The following GRM1 variants were observed in gnomAD, a reference collection of about 807,000 sequenced individuals.
GRM1 encodes the protein metabotropic glutamate receptor 1.
In GRM1, 33 loss-of-function variants were observed where a neutral mutation model predicts 90.9. The observed-to-expected ratio is 0.36, with a 90% CI of 0.28 to 0.49. The LOEUF (loss-of-function observed/expected upper bound fraction) is 0.49, where lower values mean the gene tolerates loss of function less well. Ranked by LOEUF, GRM1 falls within the 20% of genes least tolerant of loss-of-function variation. The probability of loss-of-function intolerance (pLI) is 0.99; values close to 1 mark genes in which losing one functional copy is unlikely to be tolerated. For synonymous variants in GRM1, 700 were observed against 613.2 expected (o/e 1.14, Z -2.09); for missense variants, 1,190 against 1,534.3 (o/e 0.78, Z 3.75).
chr6:146,342,345 A>G (rs1334777956), intron 3 of GRM1, among the ~76,000 whole-genome samples: 1 of 152,232 alleles, frequency 6.6e-6, no homozygotes, highest in Non-Finnish European at 1.5e-5. Flanking sequence ...TATAGATTAT[A>G]TATTGTCTGC....
chr6:146,400,325 A>T (rs1216714131), intron 7 of GRM1, among the ~76,000 whole-genome samples: 1 of 152,160 alleles, frequency 6.6e-6, no homozygotes, highest in Non-Finnish European at 1.5e-5. Context: ...ATGTTCCACG[A>T]TGTTATACAT....
At chr6:146,185,358 G>A (rs139085987) in intron 2 of GRM1, among the ~76,000 whole-genome samples, 1 of 152,312 alleles carries the variant, frequency 6.6e-6, no homozygotes, top group East Asian at 1.9e-4. Flanking sequence ...GTGCCATACA[G>A]CCAAGACTGT....
chr6:146,209,907 C>T (rs1425905863), intron 2 of GRM1, among the ~76,000 whole-genome samples: 3 of 152,028 alleles, frequency 2.0e-5, no homozygotes, highest in Admixed American at 6.6e-5. Context: ...GGTCTTGGTG[C>T]TCTTAAAAAA....
chr6:146,280,839 G>T (rs192690145), intron 2 of GRM1, among the ~76,000 whole-genome samples: 1 of 152,030 alleles, frequency 6.6e-6, no homozygotes, highest in Admixed American at 6.6e-5. Context: ...TGCTGCTGAG[G>T]CGGGTCTTGA....
At chr6:146,415,687 T>G (rs189519896) in intron 7 of GRM1, among the ~76,000 whole-genome samples, 3 of 152,324 alleles carry the variant, frequency 2.0e-5, no homozygotes. Context: ...CATTCCAGGT[T>G]TAGAATATCA....
At chr6:146,298,827 G>A (rs148404326) in intron 2 of GRM1, among the ~76,000 whole-genome samples, 59 of 152,266 alleles carry the variant, frequency 3.9e-4, no homozygotes, top group African/African-American at 8.4e-4. Flanking sequence ...CCGTCTTCTC[G>A]TAGAAAATGT....
At chr6:146,430,338 G>A (rs147933665) in intron 7 of GRM1, among the ~76,000 whole-genome samples, 1 of 152,152 alleles carries the variant, frequency 6.6e-6, no homozygotes, top group African/African-American at 2.4e-5. Context: ...TATACATCCT[G>A]TAGGCCTAAC....
chr6:146,289,272 A>G (rs1782890818), intron 2 of GRM1, among the ~76,000 whole-genome samples: 1 of 152,144 alleles, frequency 6.6e-6, no homozygotes, highest in African/African-American at 2.4e-5. Context: ...GGTGATATGG[A>G]AGATCTTGGT....
chr6:146,104,771 T>TA (rs1167348637), intron 1 of GRM1, among the ~76,000 whole-genome samples: 3 of 152,174 alleles, frequency 2.0e-5, no homozygotes, highest in South Asian at 2.1e-4. Flanking sequence ...CACCATACTG[T>TA]AAAAAATGAC....
intron 1 of GRM1, among the ~76,000 whole-genome samples, chr6:146,143,791 G>T (rs565049914): frequency 6.6e-6 from 1 of 152,318 alleles, no homozygotes; most frequent in Non-Finnish European, 1.5e-5. Context: ...TGAGGCTACA[G>T]ATTATGAAAG....
chr6:146,133,000 T>TAGTGTGAAAACTGAAGACTAAAG (rs1490419317), intron 1 of GRM1, among the ~76,000 whole-genome samples: 1 of 152,236 alleles, frequency 6.6e-6, no homozygotes, highest in Non-Finnish European at 1.5e-5. Flanking sequence ...CCTCTGGTGA[T>TAGTGTGAAAACTGAAGACTAAAG]AGTGTGAAAA....
At chr6:146,065,621 G>C (rs906524329) in intron 1 of GRM1, among the ~76,000 whole-genome samples, 3 of 152,174 alleles carry the variant, frequency 2.0e-5, no homozygotes, top group African/African-American at 7.2e-5. Flanking sequence ...CAGGACATGT[G>C]ATGCTGGGCC....
intron 7 of GRM1, among the ~76,000 whole-genome samples, chr6:146,417,022 T>C (rs1391443487): frequency 2.6e-5 from 4 of 152,320 alleles, no homozygotes; most frequent in Non-Finnish European, 5.9e-5. Flanking sequence ...TCTAGCTGCC[T>C]TGGAGCACTT....
At chr6:146,361,437 G>C (rs903340848) in intron 5 of GRM1, among the ~76,000 whole-genome samples, 1 of 152,156 alleles carries the variant, frequency 6.6e-6, no homozygotes, top group African/African-American at 2.4e-5. Context: ...GTGTGTGCTG[G>C]TCTCACATAC....
chr6:146,301,118 C>A (rs1783363237), intron 2 of GRM1, among the ~76,000 whole-genome samples: 1 of 152,054 alleles, frequency 6.6e-6, no homozygotes, highest in South Asian at 2.1e-4. Context: ...CTCATACAAA[C>A]CTTTAGCAAT....
intron 7 of GRM1, among the ~76,000 whole-genome samples, chr6:146,422,989 G>GGAAGGAAGGAGGGAAAGAA (rs1778054982): frequency 6.6e-6 from 1 of 151,654 alleles, no homozygotes; most frequent in African/African-American, 2.4e-5. Flanking sequence ...GGGAAAGAAA[G>GGAAGGAAGGAGGGAAAGAA]GAAGGAAGGA....
intron 2 of GRM1, 123 bp from the exon 3 acceptor site, chr6:146,304,488 A>T: frequency 1.3e-6 from 1 of 753,680 alleles, no homozygotes. Flanking sequence ...GTTGATGGGT[A>T]GTAATGCTGG....
rs1225960260 is a variant in GRM1, at chr6:146,436,808, A to G, written c.*2012A>G. 6.6e-6 allele frequency: 1 copy of G among 152,558 alleles called. No individual in the cohort carries two copies. 9.5% of individuals were successfully genotyped at this position (152,558 alleles called of 1,614,324 possible). A position where few individuals can be genotyped will look rare whatever the true frequency, so the allele number is the denominator to read the frequency against. ...TCATATTTTAATATGCTTCCTTCAT[A>G]TTGAAGCTGCTGATTTCTCAGCCAA... On this transcript the variant is annotated 3_prime_UTR_variant, in exon 8 of 8. Coordinates refer to ENST00000282753, the MANE Select transcript of GRM1 (RefSeq NM_001278064.2).
chr6:146,359,048 A>C (rs573399250), intron 5 of GRM1, among the ~76,000 whole-genome samples: 1 of 152,280 alleles, frequency 6.6e-6, no homozygotes, highest in South Asian at 2.1e-4. Flanking sequence ...GGTTTGGCCA[A>C]TGTGTTCTAC....
Sources: gnomAD v4.1 joint callset for allele counts (sites outside exome capture counted in the v4.1 genomes callset) on GRCh38, gnomAD v4.1.1 for gene constraint, MANE v1.5 for transcripts, NCBI Gene and HGNC (gene_info 2026-07-23, HGNC 2026-07-21) for gene names.